Variants in NPFFR1 observed in about 807,000 individuals in gnomAD.
NPFFR1 encodes neuropeptide FF receptor 1.
Under a neutral mutation model 12.7 loss-of-function variants are expected in NPFFR1, and 17 were observed. That is an observed-to-expected ratio of 1.34 (90% confidence interval 0.92 to 2.01). NPFFR1 has a LOEUF of 2.01. Ranked by LOEUF, NPFFR1 falls within the 30% of genes most tolerant of loss-of-function variation. The pLI is 0.00. For synonymous variants in NPFFR1, 296 were observed against 264.5 expected (o/e 1.12, Z -1.16); for missense variants, 604 against 606.5 (o/e 1.00, Z 0.04).
At position 70,255,623 on chromosome 10, in the gene NPFFR1, C is replaced by G; in HGVS notation, c.627G>C (p.Glu209Asp). 1 of 1,575,864 alleles carries G rather than the reference C, an allele frequency of 6.3e-7. No homozygotes were observed. ...TGGTGTAGACCCTGCGCATGCCCTT[C>G]TCGGGCCAGGCCTCCCAGCAGGAGT... ...PLYSCWEAWP[E>D]KGMRRVYTTV... is the part of the protein sequence containing the mutation. The change falls in exon 4 of 4, where the codon GAG becomes GAC. Residue 209 changes from glutamate (E) to aspartate (D), a missense_variant. Glu to Asp is a conservative substitution (Grantham distance 45). Transcript: ENST00000277942. The surrounding 1 kb of genome is among the most constrained non-coding windows in gnomAD (Gnocchi z 4.2).
chr10:70,260,630 A>G lies in NPFFR1; in HGVS notation c.422+10T>C. 6.2e-7 allele frequency: 1 copy of G among 1,602,860 alleles called. No individual in the cohort carries two copies. Among genetic ancestry groups the G allele is most frequent in the South Asian group, 1.1e-5 (1 of 89,010 alleles). ...TGGCTCAGGCATAATCCAGCCAGGA[A>G]ACCTCTCACCTTTCCACAGCAATGG... On this transcript the variant is annotated intron_variant, in intron 3 of 3. Transcript: ENST00000277942.
rs71472949 is a variant in NPFFR1 at position 70,248,467 on chromosome 10, G to GTTTTTTTTTTTTTTTTTTTTTTTTT, written c.*6489_*6490insAAAAAAAAAAAAAAAAAAAAAAAAA. 7 of 96,738 alleles carry GTTTTTTTTTTTTTTTTTTTTTTTTT rather than the reference G, an allele frequency of 7.2e-5. 1 individual carries two copies. The highest frequency in any genetic ancestry group is 1.6e-4 in the African/African-American group (4 of 24,728). 6.0% of individuals were successfully genotyped at this position (96,738 alleles called of 1,614,324 possible). ...CAAAGTACGTAGTACTATGCCTGGC[G>GTTTTTTTTTTTTTTTTTTTTTTTTT]TTTTTTTTTTGTTTTTTGTTTTTTT... On this transcript the variant is annotated 3_prime_UTR_variant, in exon 4 of 4. Transcript: ENST00000277942.
rs577304377 is a variant in NPFFR1, at chr10:70,266,322, G to C, written c.77C>G (p.Pro26Arg). The change falls in exon 2 of 4, where the codon CCG becomes CGG. Residue 26 changes from proline to arginine, a missense_variant. By Grantham distance (103) the Pro-to-Arg change is moderately radical. Coordinates refer to ENST00000277942, the MANE Select transcript of NPFFR1 (RefSeq NM_022146.5). ...GGAGGAGAAGGTGAGGTTTGTAGCCGGGGTGGCCTCAGTGTTAGTCCCATT... is the reference window on the plus strand; with the variant it reads ...GGAGGAGAAGGTGAGGTTTGTAGCCCGGGTGGCCTCAGTGTTAGTCCCATT... ...SQNGTNTEAT[P>R]ATNLTFSSYY... 2 of 1,613,660 alleles carry C rather than the reference G, an allele frequency of 1.2e-6. No homozygotes were observed. Among genetic ancestry groups the C allele is most frequent in the African/African-American group, 1.3e-5 (1 of 75,038 alleles).
intron 2 of NPFFR1, among the ~76,000 whole-genome samples, chr10:70,261,660 A>G (rs955286843): frequency 2.0e-5 from 3 of 152,214 alleles, no homozygotes; most frequent in African/African-American, 7.2e-5. Context: ...GTGGTTCTCG[A>G]CACTGGCTGC....
At chr10:70,272,190 GGAAAGAAA>G (rs201763991) in intron 1 of NPFFR1, among the ~76,000 whole-genome samples, 5 of 127,076 alleles carry the variant, frequency 3.9e-5, no homozygotes, top group African/African-American at 1.5e-4. Flanking sequence ...GAGGGAGGGA[GGAAAGAAA>G]GAAAGAAAGA....
chr10:70,283,589 G>T, intron 1 of NPFFR1, 81 bp downstream of exon 1: 1 of 1,338,740 alleles, frequency 7.5e-7, no homozygotes, highest in East Asian at 2.5e-5. Context: ...TCAGCTGCCC[G>T]GCCCTCTCCT....
intron 3 of NPFFR1, 75 bp downstream of exon 3, chr10:70,260,565 G>T: frequency 1.5e-6 from 2 of 1,292,768 alleles, no homozygotes; most frequent in Non-Finnish European, 2.2e-6. Context: ...AGCCAACCCA[G>T]CATTAGAGGC....
chr10:70,274,715 C>A (rs1336070159), intron 1 of NPFFR1, among the ~76,000 whole-genome samples: 1 of 152,182 alleles, frequency 6.6e-6, no homozygotes, highest in Non-Finnish European at 1.5e-5. Flanking sequence ...CCTCTCCCAA[C>A]CTCATGGAGT....
intron 1 of NPFFR1, among the ~76,000 whole-genome samples, chr10:70,282,143 T>G (rs1174618401): frequency 6.6e-6 from 1 of 152,226 alleles, no homozygotes; most frequent in South Asian, 2.1e-4. Context: ...GTCATATGTC[T>G]GGGCTTCAAT....
At chr10:70,256,101 C>A (rs1233319161) in intron 3 of NPFFR1, among the ~76,000 whole-genome samples, 3 of 150,322 alleles carry the variant, frequency 2.0e-5, no homozygotes, top group Admixed American at 2.0e-4. Flanking sequence ...TGAGACAGGG[C>A]CTCCTTCTGT....
chr10:70,275,299 C>T (rs1840792439), intron 1 of NPFFR1, among the ~76,000 whole-genome samples: 1 of 152,188 alleles, frequency 6.6e-6, no homozygotes, highest in Non-Finnish European at 1.5e-5. Context: ...TCATTTACCT[C>T]ATAGTGAAAA....
chr10:70,255,688 G>A lies in NPFFR1; in HGVS notation c.562C>T (p.His188Tyr). 6.2e-7 allele frequency: 1 copy of A among 1,605,378 alleles called. No individual in the cohort carries two copies. The highest frequency in any genetic ancestry group is 8.5e-7 in the Non-Finnish European group (1 of 1,176,322). The change falls in exon 4 of 4, where the codon CAC (histidine) becomes TAC (tyrosine). Residue 188 changes from histidine to tyrosine, a missense_variant. His to Tyr is a moderately conservative substitution (Grantham distance 83). Coordinates refer to ENST00000277942, the MANE Select transcript of NPFFR1 (RefSeq NM_022146.5). This position sits in a 1 kb window ranked among gnomAD's most constrained non-coding sequence, Gnocchi z 4.2. ...CGGTTGCGGGCGTCCACCATGAAGT[G>A]GTGCTCCTCACGGGTGACGGTCAGC... ...VTLTVTREEH[H>Y]FMVDARNRSY...
intron 1 of NPFFR1, among the ~76,000 whole-genome samples, chr10:70,268,508 GTTC>G (rs1840719168): frequency 6.6e-6 from 1 of 152,194 alleles, no homozygotes; most frequent in Non-Finnish European, 1.5e-5. Context: ...AATCTGAGTA[GTTC>G]TTCTCCTGGT....
chr10:70,266,184 C>T lies in NPFFR1; in HGVS notation c.215G>A (p.Arg72Gln), dbSNP rs371247791. The T allele has an allele frequency of 2.3e-5, 37 of 1,613,850 alleles. No homozygotes were observed. The highest frequency in any genetic ancestry group is 4.4e-5 in the South Asian group (4 of 91,074). ...CATGTTGGTGACAGTATGCATGTGC[C>T]GGTTCTTGAGCACGATGAAACAGAC... ...TLVCFIVLKN[R>Q]HMHTVTNMFI... The change falls in exon 2 of 4, where the codon CGG becomes CAG. Residue 72 changes from arginine to glutamine, a missense_variant. Transcript: ENST00000277942.
chr10:70,260,679 G>A lies in NPFFR1; in HGVS notation c.383C>T (p.Ser128Leu), dbSNP rs1014084807. Residue 128 changes from serine (S) to leucine (L), a missense_variant, in exon 3 of 4, where the codon TCG becomes TTG. Physicochemically the swap from Ser to Leu is moderately radical, Grantham distance 145. Transcript: ENST00000277942. Reference protein sequence around the residue: ...MSGLVQGMSVSASVFTLVAIA... With the variant: ...MSGLVQGMSVLASVFTLVAIA... ...GGCCACCAGTGTGAAAACGGAAGCCGACACAGACATGCCCTGCACCAAGCC... is the reference window on the plus strand; with the variant it reads ...GGCCACCAGTGTGAAAACGGAAGCCAACACAGACATGCCCTGCACCAAGCC... 45 of 1,611,322 alleles carry A rather than the reference G, an allele frequency of 2.8e-5. No homozygotes were observed. Among genetic ancestry groups the A allele is most frequent in the Admixed American group, 8.4e-5 (5 of 59,650 alleles).
rs188645345 is a variant in NPFFR1 at position 70,248,684 on chromosome 10, C to T, written c.*6273G>A. 2,181 of 151,610 alleles carry T rather than the reference C, an allele frequency of 0.014. 16 individuals are homozygous for T. Among genetic ancestry groups the T allele is most frequent in the South Asian group, 0.036 (170 of 4,784 alleles). The allele number at this position is 151,610 out of a possible 1,614,324, so 9.4% of individuals were successfully genotyped here. ...TATTTTTAATAGAGATGGGGTTTCA[C>T]CATGTTAGCCAGGCTGGTCTCGAAC... On this transcript the variant is annotated 3_prime_UTR_variant, in exon 4 of 4. Coordinates refer to ENST00000277942, the MANE Select transcript of NPFFR1 (RefSeq NM_022146.5).
At chr10:70,282,741 T>C (rs1043625534) in intron 1 of NPFFR1, among the ~76,000 whole-genome samples, 2 of 152,164 alleles carry the variant, frequency 1.3e-5, no homozygotes, top group African/African-American at 4.8e-5. Flanking sequence ...GTTTAGGCAC[T>C]ATCTCAAAGA....
Position 70,255,211 on chromosome 10 carries a change from G to T in NPFFR1, c.1039C>A (p.Arg347Ser), listed in dbSNP as rs113487866. Residue 347 changes from arginine (R) to serine (S), a missense_variant, in exon 4 of 4, where the codon CGC becomes AGC. Arg to Ser is a moderately radical substitution (Grantham distance 110, BLOSUM62 -1). Transcript: ENST00000277942. The surrounding 1 kb of genome is among the most constrained non-coding windows in gnomAD (Gnocchi z 4.2). ...CTCCCCGACGGGCGCGGGCAGAGGCGGGCGCGGAAGGCGGCCTGGAAGCCG... is the reference window on the plus strand; with the variant it reads ...CTCCCCGACGGGCGCGGGCAGAGGCTGGCGCGGAAGGCGGCCTGGAAGCCG... ...RRGFQAAFRA[R>S]LCPRPSGSHK... The T allele has an allele frequency of 0.042, 64,423 of 1,550,172 alleles. 1,502 individuals carry two copies. The highest frequency in any genetic ancestry group is 0.059 in the East Asian group (2,436 of 41,512).
chr10:70,280,462 T>C (rs1840848813), intron 1 of NPFFR1, among the ~76,000 whole-genome samples: 3 of 152,242 alleles, frequency 2.0e-5, no homozygotes. Context: ...GGTTTTAACT[T>C]GCATTTTCCT....
Sources: allele counts gnomAD v4.1 joint callset (sites outside exome capture counted in the v4.1 genomes callset), GRCh38; gene constraint gnomAD v4.1.1; non-coding constraint Gnocchi (gnomAD v3.1); transcripts MANE v1.5; gene names NCBI Gene and HGNC (gene_info 2026-07-23, HGNC 2026-07-21).